Variants in ZFP30 observed in about 807,000 individuals in gnomAD.
The protein encoded by ZFP30 is ZFP30 zinc finger protein, also known as zinc finger protein 30 homolog.
A neutral mutation model predicts 12.3 loss-of-function variants in ZFP30; 16 were observed. That is an observed-to-expected ratio of 1.30 (90% confidence interval 0.88 to 1.98). ZFP30 has a LOEUF of 1.98. ZFP30 is among the 30% of genes most tolerant of loss of function. The pLI, the probability that ZFP30 is intolerant of heterozygous loss-of-function variation, is 0.00. For missense variants in ZFP30, 560 were observed against 611.2 expected (o/e 0.92, Z 0.88); for synonymous variants, 172 against 201.0 (o/e 0.86, Z 1.22).
chr19:37,635,941 G>A lies in ZFP30; in HGVS notation c.600C>T (p.His200=), dbSNP rs375596115. Residue 200 remains histidine (H), a synonymous_variant, in exon 6 of 6, where the codon CAC becomes CAT. Transcript: ENST00000684514. ...ECGKAFRQCA[H]LSRHQRIHTS... ...TATGAATTCTCTGATGTCGACTGAG[G>A]TGGGCACACTGTCTAAAGGCTTTTC... is the stretch of plus-strand genomic sequence containing the variant. The A allele has an allele frequency of 2.4e-5, 39 of 1,613,924 alleles. No homozygotes were observed. The highest frequency in any genetic ancestry group is 1.7e-4 in the African/African-American group (13 of 74,884).
intron 2 of ZFP30, among the ~76,000 whole-genome samples, chr19:37,650,464 T>C (rs959534319): frequency 7.9e-5 from 12 of 152,132 alleles, no homozygotes; most frequent in African/African-American, 1.9e-4. Context: ...AAAACAGCTA[T>C]GCAAGGAATA....
rs940799526 is a variant in ZFP30, at chr19:37,631,552, A to T, written c.*3429T>A. 2 of 152,158 alleles carry T rather than the reference A, an allele frequency of 1.3e-5. No homozygotes were observed. The highest frequency in any genetic ancestry group is 4.8e-5 in the African/African-American group (2 of 41,438). 9.4% of individuals were successfully genotyped at this position (152,158 alleles called of 1,614,324 possible). On this transcript the variant is annotated 3_prime_UTR_variant, in exon 6 of 6. Transcript: ENST00000684514. ...CATAATGGATGACCACGGTGAAATC[A>T]CCGAAGTCCAACTGATGCAATCATT...
At chr19:37,653,088 A>C (rs1221391816) in intron 2 of ZFP30, among the ~76,000 whole-genome samples, 1 of 150,554 alleles carries the variant, frequency 6.6e-6, no homozygotes, top group Non-Finnish European at 1.5e-5. Flanking sequence ...TTGCACTCCA[A>C]CCCGGGCAAC....
intron 4 of ZFP30, 81 bp downstream of exon 4, chr19:37,644,529 T>A: frequency 3.6e-6 from 5 of 1,376,054 alleles, no homozygotes; most frequent in Non-Finnish European, 4.7e-6. Flanking sequence ...CGAGACTTCG[T>A]CTTTGGAAAA....
In ZFP30 at chr19:37,634,214, T is replaced by C. The variant is rs934298737; in HGVS notation, c.*767A>G. 4.6e-5 allele frequency: 7 copies of C among 152,250 alleles called. No individual in the cohort carries two copies. Among genetic ancestry groups the C allele is most frequent in the African/African-American group, 1.7e-4 (7 of 41,472 alleles). 9.4% of individuals were successfully genotyped at this position (152,250 alleles called of 1,614,324 possible). ...TTTAATTGCTCCTTTTTGTGTCATGTAATTTACTCTTCCATTCCTTGAATT... is the reference window on the plus strand; with the variant it reads ...TTTAATTGCTCCTTTTTGTGTCATGCAATTTACTCTTCCATTCCTTGAATT... On this transcript the variant is annotated 3_prime_UTR_variant, in exon 6 of 6. Transcript: ENST00000684514.
In ZFP30 at chr19:37,635,008, GT is replaced by G; in HGVS notation, c.1532del (p.Tyr511SerfsTer8). 1 of 1,559,662 alleles carries G rather than the reference GT, an allele frequency of 6.4e-7. No homozygotes were observed. The stretch of plus-strand genomic sequence containing the variant: ...AAGTTACATTATGAATTCGCTGATG[GT>G]AAGTAAGATGTGAATGTTGTCTAAA... ...KAFRQHSHLT[Y>X]HQRIHNVT On this transcript the variant is annotated frameshift_variant, in exon 6 of 6. Transcript: ENST00000684514. LOFTEE classifies it high-confidence loss of function.
At chr19:37,648,822 CCTT>C (rs1297951949) in intron 2 of ZFP30, among the ~76,000 whole-genome samples, 7 of 152,282 alleles carry the variant, frequency 4.6e-5, no homozygotes, top group Admixed American at 3.9e-4. Context: ...GCTCTCTGCT[CCTT>C]ATTTTCCTAT....
upstream of ZFP30, chr19:37,656,035 A>G (rs1436573306): frequency 6.6e-6 from 1 of 152,112 alleles, no homozygotes; most frequent in Non-Finnish European, 1.5e-5. Context: ...GATGGAGGAA[A>G]CCCCAGTATC....
chr19:37,635,241 C>A lies in ZFP30; in HGVS notation c.1300G>T (p.Gly434Cys). The A allele has an allele frequency of 1.9e-6, 3 of 1,614,036 alleles. No individual in the cohort carries two copies. The highest frequency in any genetic ancestry group is 2.5e-6 in the Non-Finnish European group (3 of 1,179,940). The change falls in exon 6 of 6, where the codon GGT (glycine) becomes TGT (cysteine). Residue 434 changes from glycine to cysteine, a missense_variant. By Grantham distance (159) the Gly-to-Cys change is radical. Coordinates refer to ENST00000684514, the MANE Select transcript of ZFP30 (RefSeq NM_001320669.3). ...TCCTTACACTTAAAGGGTTTCTCACCAAAATGAATACTCTGATGTTGAGTA... is the reference window on the plus strand; with the variant it reads ...TCCTTACACTTAAAGGGTTTCTCACAAAAATGAATACTCTGATGTTGAGTA... Reference protein sequence around the residue: ...QLTQHQSIHFGEKPFKCKECE... With the variant: ...QLTQHQSIHFCEKPFKCKECE...
intron 5 of ZFP30, among the ~76,000 whole-genome samples, chr19:37,637,487 CCTA>C (rs1170158104): frequency 6.6e-6 from 1 of 151,704 alleles, no homozygotes. Flanking sequence ...CCGCGCCCAG[CCTA>C]CTTCTTTCCT....
Position 37,647,858 on chromosome 19 carries a change from A to G in ZFP30, c.-36T>C. 6.2e-7 allele frequency: 1 copy of G among 1,613,846 alleles called. No homozygotes were observed. The highest frequency in any genetic ancestry group is 8.5e-7 in the Non-Finnish European group (1 of 1,179,738). On this transcript the variant is annotated 5_prime_UTR_variant, in exon 3 of 6. Coordinates refer to ENST00000684514, the MANE Select transcript of ZFP30 (RefSeq NM_001320669.3). ...CTGCTAGAACTGGTCAATTTTCCTC[A>G]AGGTTCATGTACTTCAGAAGCAGGG... is the stretch of plus-strand genomic sequence containing the variant.
intron 5 of ZFP30, among the ~76,000 whole-genome samples, chr19:37,642,583 C>G (rs549377846): frequency 1.4e-4 from 22 of 152,132 alleles, no homozygotes; most frequent in Middle Eastern, 6.8e-3. Flanking sequence ...TGTGACTCCC[C>G]ACTACAATTT....
chr19:37,650,994 G>A (rs550978636), intron 2 of ZFP30, among the ~76,000 whole-genome samples: 37 of 151,892 alleles, frequency 2.4e-4, no homozygotes, highest in African/African-American at 8.2e-4. Flanking sequence ...CACCAGCCTC[G>A]GCCTCCCAAA....
Position 37,634,391 on chromosome 19 carries a change from G to C in ZFP30, c.*590C>G, listed in dbSNP as rs1170129087. ...GAGATGATGAGTGGGTTCAGACGTTGTCAGTCTCATCTATTCACTATAAAG... is the reference window on the plus strand; with the variant it reads ...GAGATGATGAGTGGGTTCAGACGTTCTCAGTCTCATCTATTCACTATAAAG... On this transcript the variant is annotated 3_prime_UTR_variant, in exon 6 of 6. Coordinates refer to ENST00000684514, the MANE Select transcript of ZFP30 (RefSeq NM_001320669.3). The C allele has an allele frequency of 3.3e-5, 5 of 152,186 alleles. No homozygotes were observed. The highest frequency in any genetic ancestry group is 5.9e-5 in the Non-Finnish European group (4 of 68,058). The allele number at this position is 152,186 out of a possible 1,614,324, so 9.4% of individuals were successfully genotyped here.
rs762600844 is a variant in ZFP30, at chr19:37,635,468, T to G, written c.1073A>C (p.Glu358Ala). 2.5e-6 allele frequency: 4 copies of G among 1,614,064 alleles called. No homozygotes were observed. Among genetic ancestry groups the G allele is most frequent in the Admixed American group, 3.3e-5 (2 of 60,006 alleles). ...GCCACGACTGAAAGTCTTCCCACATTCCTTACAATCATAAGGCTTCTCACC... is the reference window on the plus strand; with the variant it reads ...GCCACGACTGAAAGTCTTCCCACATGCCTTACAATCATAAGGCTTCTCACC... ...HTGEKPYDCKECGKTFSRGYH... is the reference protein window; with the variant it reads ...HTGEKPYDCKACGKTFSRGYH... Residue 358 changes from glutamate (E) to alanine (A), a missense_variant, in exon 6 of 6, where the codon GAA (glutamate) becomes GCA (alanine). Transcript: ENST00000684514.
At chr19:37,643,398 T>C (rs1287002952) in intron 4 of ZFP30, 35 bp from the exon 5 acceptor site, 6 of 1,407,018 alleles carry the variant, frequency 4.3e-6, no homozygotes, top group Non-Finnish European at 5.7e-6. Context: ...ATAAAGAATT[T>C]ATTTAAGGCT....
In ZFP30 at chr19:37,634,894, A is replaced by C; in HGVS notation, c.*87T>G. On this transcript the variant is annotated 3_prime_UTR_variant, in exon 6 of 6. Coordinates refer to ENST00000684514, the MANE Select transcript of ZFP30 (RefSeq NM_001320669.3). The stretch of plus-strand genomic sequence containing the variant: ...TGCTTAGTTGTGAGCATGAAGCAAA[A>C]GGGATTCCCACGTTCAAAAACCTTT... 7.3e-7 allele frequency: 1 copy of C among 1,375,058 alleles called. No homozygotes were observed. The highest frequency in any genetic ancestry group is 9.5e-7 in the Non-Finnish European group (1 of 1,047,778). 85.2% of individuals were successfully genotyped at this position (1,375,058 alleles called of 1,614,324 possible).
rs1329005608 is a variant in ZFP30, at chr19:37,655,445, G to C, written c.-271C>G. On this transcript the variant is annotated 5_prime_UTR_variant, in exon 1 of 6. Transcript: ENST00000684514. ...CCGACTCAGAGGATAGCCCAGCCCT[G>C]GGAGTCAGCGGCGCCAGAATACGGG... The C allele has an allele frequency of 1.3e-5, 2 of 152,348 alleles. No individual in the cohort carries two copies. Among genetic ancestry groups the C allele is most frequent in the Admixed American group, 1.3e-4 (2 of 15,292 alleles). The allele number at this position is 152,348 out of a possible 1,614,324, so 9.4% of individuals were successfully genotyped here.
chr19:37,634,344 C>T lies in ZFP30; in HGVS notation c.*637G>A, dbSNP rs1765225121. 2 of 152,184 alleles carry T rather than the reference C, an allele frequency of 1.3e-5. No homozygotes were observed. Among genetic ancestry groups the T allele is most frequent in the South Asian group, 4.1e-4 (2 of 4,826 alleles). The allele number at this position is 152,184 out of a possible 1,614,324, so 9.4% of individuals were successfully genotyped here. A position where few individuals can be genotyped will look rare whatever the true frequency, so the allele number is the denominator to read the frequency against. ...CACATTAGGAGGCACGTAATTTTTA[C>T]TCTCTTGCTTTTTGTGAAGTTGAGA... On this transcript the variant is annotated 3_prime_UTR_variant, in exon 6 of 6. Transcript: ENST00000684514.
Sources: allele counts gnomAD v4.1 joint callset (sites outside exome capture counted in the v4.1 genomes callset), GRCh38; gene constraint gnomAD v4.1.1; transcripts MANE v1.5; gene names NCBI Gene and HGNC (gene_info 2026-07-23, HGNC 2026-07-21).